The following SCMH1 variants were observed in gnomAD, a reference collection of about 807,000 sequenced individuals.
The protein encoded by SCMH1 is polycomb protein SCMH1.
In SCMH1, 37 loss-of-function variants were observed where a neutral mutation model predicts 70.8. The observed-to-expected ratio is 0.52, with a 90% CI of 0.40 to 0.69. The LOEUF (loss-of-function observed/expected upper bound fraction) is 0.69. Among genes scored for constraint, SCMH1 ranks in the 30% least tolerant of loss-of-function variants. The pLI, the probability that SCMH1 is intolerant of heterozygous loss-of-function variation, is 0.00. For synonymous variants in SCMH1, 292 were observed against 307.4 expected (o/e 0.95, Z 0.52); for missense variants, 607 against 827.3 (o/e 0.73, Z 3.27).
intron 5 of SCMH1, among the ~76,000 whole-genome samples, 168 bp from the exon 6 acceptor site, chr1:41,143,280 G>A (rs1644260687): frequency 6.6e-6 from 1 of 152,006 alleles, no homozygotes; most frequent in African/African-American, 2.4e-5. Flanking sequence ...AGATGAAGGG[G>A]AAAAAATTAC....
intron 8 of SCMH1, among the ~76,000 whole-genome samples, chr1:41,095,118 A>G (rs1235823938): frequency 1.3e-5 from 2 of 152,122 alleles, no homozygotes; most frequent in Non-Finnish European, 2.9e-5. Context: ...CTAGAATACA[A>G]CTTCTTAAGG....
intron 1 of SCMH1, among the ~76,000 whole-genome samples, chr1:41,197,611 A>G (rs1280664257): frequency 1.3e-5 from 2 of 152,168 alleles, no homozygotes; most frequent in Non-Finnish European, 2.9e-5. Flanking sequence ...CTAGGGATGG[A>G]TAATGGTGCA....
chr1:41,062,409 G>A (rs1346925386), intron 10 of SCMH1, among the ~76,000 whole-genome samples: 1 of 151,662 alleles, frequency 6.6e-6, no homozygotes, highest in Non-Finnish European at 1.5e-5. Context: ...TTCGAATCCA[G>A]CCTGACCAAC....
chr1:41,199,873 A>T (rs1436950772), intron 1 of SCMH1, among the ~76,000 whole-genome samples: 4 of 152,156 alleles, frequency 2.6e-5, no homozygotes, highest in Non-Finnish European at 5.9e-5. Context: ...CTGAATCTAA[A>T]TTAAAATTCA....
At chr1:41,188,731 C>T (rs1455830208) in intron 1 of SCMH1, among the ~76,000 whole-genome samples, 1 of 152,054 alleles carries the variant, frequency 6.6e-6, no homozygotes, top group Non-Finnish European at 1.5e-5. Context: ...AAGTAGAATT[C>T]TTCATATATT....
intron 1 of SCMH1, among the ~76,000 whole-genome samples, chr1:41,237,570 A>G (rs1288791618): frequency 6.6e-6 from 1 of 152,204 alleles, no homozygotes; most frequent in Non-Finnish European, 1.5e-5. Flanking sequence ...CTTTAATACC[A>G]ATGCCCCAGC....
At chr1:41,057,884 G>A (rs533109880) in intron 10 of SCMH1, among the ~76,000 whole-genome samples, 20 of 152,182 alleles carry the variant, frequency 1.3e-4, no homozygotes, top group African/African-American at 4.8e-4. Flanking sequence ...TTTGTGGGGG[G>A]TCAAGGCCAG....
chr1:41,083,099 A>C (rs1660533436), intron 8 of SCMH1, among the ~76,000 whole-genome samples: 1 of 152,320 alleles, frequency 6.6e-6, no homozygotes, highest in Admixed American at 6.5e-5. Flanking sequence ...ACTCCTATTC[A>C]ACATAGTGTT....
intron 1 of SCMH1, among the ~76,000 whole-genome samples, chr1:41,229,961 G>A (rs1660991591): frequency 6.6e-6 from 1 of 152,206 alleles, no homozygotes. Flanking sequence ...TATGTGCCAA[G>A]TCTGAGAGAC....
At chr1:41,121,559 A>C (rs185040935) in intron 6 of SCMH1, among the ~76,000 whole-genome samples, 2 of 152,252 alleles carry the variant, frequency 1.3e-5, no homozygotes, top group East Asian at 1.9e-4. Context: ...AGGAAATCCT[A>C]ATCTCTAAAT....
intron 2 of SCMH1, among the ~76,000 whole-genome samples, chr1:41,172,990 A>G (rs1039774878): frequency 6.6e-6 from 1 of 152,202 alleles, no homozygotes; most frequent in African/African-American, 2.4e-5. Context: ...CTACTAGAAA[A>G]AAAATGTAGG....
At chr1:41,119,867 A>G (rs1572322789) in intron 6 of SCMH1, among the ~76,000 whole-genome samples, 1 of 151,936 alleles carries the variant, frequency 6.6e-6, no homozygotes, top group Non-Finnish European at 1.5e-5. Context: ...TTCCCTCTCT[A>G]ATCTGGTTTG....
Position 41,075,278 on chromosome 1 carries a change from A to AT in SCMH1, c.918dup (p.Ser307IlefsTer5). ...AATTTCAAAGGTTCAGCTGTCTTGG[A>AT]TGGGGCAGAGATGGGATGGGAAATT... On this transcript the variant is annotated frameshift_variant, in exon 9 of 15. Coordinates refer to ENST00000337495, the Ensembl canonical transcript of SCMH1. LOFTEE classifies it high-confidence loss of function. The AT allele has an allele frequency of 1.2e-6, 2 of 1,614,048 alleles. No individual in the cohort carries two copies. The highest frequency in any genetic ancestry group is 1.7e-6 in the Non-Finnish European group (2 of 1,180,018).
At chr1:41,130,093 A>T (rs1674263614) in intron 6 of SCMH1, among the ~76,000 whole-genome samples, 1 of 152,200 alleles carries the variant, frequency 6.6e-6, no homozygotes, top group South Asian at 2.1e-4. Context: ...GATCATGAAC[A>T]TATTTTCATG....
At chr1:41,100,560 TC>T (rs894284984) in intron 8 of SCMH1, among the ~76,000 whole-genome samples, 2 of 148,970 alleles carry the variant, frequency 1.3e-5, no homozygotes, top group African/African-American at 4.9e-5. Context: ...CCTTTTCTTT[TC>T]TTTTTCTTTT....
At chr1:41,056,238 G>A (rs1334617753) in intron 10 of SCMH1, among the ~76,000 whole-genome samples, 1 of 152,208 alleles carries the variant, frequency 6.6e-6, no homozygotes, top group South Asian at 2.1e-4. Context: ...ATCCTTTGGC[G>A]AGAACCAACA....
chr1:41,239,271 T>A (rs962888095), intron 1 of SCMH1, among the ~76,000 whole-genome samples: 10 of 152,218 alleles, frequency 6.6e-5, no homozygotes, highest in African/African-American at 2.2e-4. Context: ...CGCAAGCCAT[T>A]CCTTTTCTCA....
exon 13 of SCMH1, chr1:41,037,508 C>A (rs145877237): frequency 2.5e-6 from 4 of 1,614,150 alleles, no homozygotes; most frequent in Non-Finnish European, 3.4e-6. Flanking sequence ...TTCCAAGGAG[C>A]GGGCCAGACT....
At chr1:41,173,023 C>T (rs542537373) in intron 2 of SCMH1, among the ~76,000 whole-genome samples, 1 of 152,206 alleles carries the variant, frequency 6.6e-6, no homozygotes, top group South Asian at 2.1e-4. Flanking sequence ...AGACATTGAT[C>T]TGCACAAAGA....
Sources: allele counts gnomAD v4.1 joint callset (sites outside exome capture counted in the v4.1 genomes callset), GRCh38; gene constraint gnomAD v4.1.1; transcripts MANE v1.5; gene names NCBI Gene and HGNC (gene_info 2026-07-23, HGNC 2026-07-21).